Variants in FSCN3 observed in about 807,000 individuals in gnomAD.
FSCN3 encodes the protein fascin-3.
FSCN3 carries 43 observed loss-of-function variants against 53.5 expected under a neutral mutation model. The observed-to-expected ratio is 0.80, with a 90% CI of 0.63 to 1.04. The LOEUF is 1.04. Ranked by LOEUF, FSCN3 falls within the 50% of genes least tolerant of loss-of-function variation. The pLI is 0.00. For synonymous variants in FSCN3, 235 were observed against 246.6 expected (o/e 0.95, Z 0.44); for missense variants, 594 against 646.5 (o/e 0.92, Z 0.88).
chr7:127,600,405 G>A lies in FSCN3; in HGVS notation c.*6G>A. The A allele has an allele frequency of 6.4e-7, 1 of 1,553,858 alleles. No individual in the cohort carries two copies. Among genetic ancestry groups the A allele is most frequent in the African/African-American group, 1.4e-5 (1 of 73,850 alleles). ...AGTGTATCTGGGAATTTTAGGTAAG[G>A]GAGAGGAACAGGTAAGGGGCTAGGG... is the stretch of plus-strand genomic sequence containing the variant. On this transcript the variant is annotated splice_donor_region_variant and intron_variant, in intron 6 of 6. Transcript: ENST00000265825.
rs773941062 is a variant in FSCN3 at position 127,600,178 on chromosome 7, G to A, written c.1292-16G>A. 1.6e-5 allele frequency: 24 copies of A among 1,491,234 alleles called. 1 individual carries two copies. In the South Asian group the frequency reaches 2.6e-4, roughly 16 times the overall value. 92.4% of individuals were successfully genotyped at this position (1,491,234 alleles called of 1,614,324 possible). The stretch of plus-strand genomic sequence containing the variant: ...CCCTGTGAATGGCCCACCAACCTGA[G>A]CTCTTCCTTCTCCAGCACAGGGGGG... On this transcript the variant is annotated splice_polypyrimidine_tract_variant and intron_variant, in intron 5 of 6. Coordinates refer to ENST00000265825, the MANE Select transcript of FSCN3 (RefSeq NM_020369.3).
chr7:127,601,212 C>T (rs999055818), intron 6 of FSCN3, among the ~76,000 whole-genome samples: 2 of 152,224 alleles, frequency 1.3e-5, no homozygotes, highest in African/African-American at 2.4e-5. Context: ...TAGGGCTCCC[C>T]GAAAGCATTT....
In FSCN3 at chr7:127,598,680, T is replaced by C. The variant is rs529716245; in HGVS notation, c.1120+86T>C. 1.7e-4 allele frequency: 204 copies of C among 1,199,858 alleles called. 1 individual carries two copies. The highest frequency in any genetic ancestry group is 1.2e-3 in the Middle Eastern group (5 of 4,144). The allele number at this position is 1,199,858 out of a possible 1,614,324, so 74.3% of individuals were successfully genotyped here. A position where few individuals can be genotyped will look rare whatever the true frequency, so the allele number is the denominator to read the frequency against. The stretch of plus-strand genomic sequence containing the variant: ...GGAATATGATTGTTAAAAAGAGCAC[T>C]GAAGGCCGGGCGTGGTGGCTCATGC... On this transcript the variant is annotated intron_variant, in intron 4 of 6. Transcript: ENST00000265825.
Position 127,599,372 on chromosome 7 carries a change from T to A in FSCN3, c.1121-9T>A, listed in dbSNP as rs1794436619. ...GCCCATCCAGATAACTCCTTCCTAT[T>A]TCCTTCAGGCCCAAATGAGGAATTT... is the stretch of plus-strand genomic sequence containing the variant. On this transcript the variant is annotated splice_polypyrimidine_tract_variant and intron_variant, in intron 4 of 6. Transcript: ENST00000265825. 1 of 1,609,762 alleles carries A rather than the reference T, an allele frequency of 6.2e-7. No homozygotes were observed. Among genetic ancestry groups the A allele is most frequent in the African/African-American group, 1.3e-5 (1 of 74,844 alleles).
In FSCN3 at chr7:127,596,296, G is replaced by A. The variant is rs376828353; in HGVS notation, c.842-32G>A. 6 of 1,559,034 alleles carry A rather than the reference G, an allele frequency of 3.8e-6. No homozygotes were observed. The African/African-American group carries it at 6.8e-5, about 18-fold the overall frequency. The stretch of plus-strand genomic sequence containing the variant: ...ATGGAGGAGGGGCCGAGACTGAGGG[G>A]AGGCTTTTACTGACATGCGCTTCCT... On this transcript the variant is annotated intron_variant, in intron 2 of 6. Coordinates refer to ENST00000265825, the MANE Select transcript of FSCN3 (RefSeq NM_020369.3).
chr7:127,594,239 G>A (rs1794346221), intron 1 of FSCN3, among the ~76,000 whole-genome samples: 1 of 127,164 alleles, frequency 7.9e-6, no homozygotes. Flanking sequence ...AGTTTTCTGA[G>A]TGGCCAAGCT....
chr7:127,594,704 T>C, intron 1 of FSCN3: 1 of 471,172 alleles, frequency 2.1e-6, no homozygotes, highest in Non-Finnish European at 4.4e-6. Flanking sequence ...CGGTCTTCAT[T>C]CTAGAGAGGA....
At position 127,601,916 on chromosome 7, in the gene FSCN3, T is replaced by C. The variant is rs1419517367; in HGVS notation, c.*294T>C. The stretch of plus-strand genomic sequence containing the variant: ...ACCAAATGGCAAGCAGTTCTTCCAC[T>C]GATCTTCCCCGTCCCCATCCAGAAC... On this transcript the variant is annotated 3_prime_UTR_variant, in exon 7 of 7. Transcript: ENST00000265825. 1 of 152,258 alleles carries C rather than the reference T, an allele frequency of 6.6e-6. No homozygotes were observed. The highest frequency in any genetic ancestry group is 6.5e-5 in the Admixed American group (1 of 15,282). The allele number at this position is 152,258 out of a possible 1,614,324, so 9.4% of individuals were successfully genotyped here. A position where few individuals can be genotyped will look rare whatever the true frequency, so the allele number is the denominator to read the frequency against.
chr7:127,599,661 A>AT (rs1169514138), intron 5 of FSCN3, 110 bp downstream of exon 5: 20 of 1,047,280 alleles, frequency 1.9e-5, no homozygotes, highest in Middle Eastern at 3.1e-4. Context: ...AAAAGGAAAA[A>AT]CAGGCCAGGC....
chr7:127,593,759 A>ACTACAGGC lies in FSCN3; in HGVS notation c.-93_-86dup, dbSNP rs1404775885. The ACTACAGGC allele has an allele frequency of 1.5e-6, 2 of 1,360,364 alleles. No individual in the cohort carries two copies. Among genetic ancestry groups the ACTACAGGC allele is most frequent in the Middle Eastern group, 2.3e-4 (1 of 4,380 alleles). The allele number at this position is 1,360,364 out of a possible 1,614,324, so 84.3% of individuals were successfully genotyped here. ...TTCTCTCTGGGAACATCTGGTGGGT[A>ACTACAGGC]CTACAGGCCCTATTCCAGGCCCTAT... On this transcript the variant is annotated 5_prime_UTR_variant, in exon 1 of 7. Coordinates refer to ENST00000265825, the MANE Select transcript of FSCN3 (RefSeq NM_020369.3).
intron 1 of FSCN3, 64 bp from the exon 2 acceptor site, chr7:127,595,243 A>T (rs1392876062): frequency 4.9e-6 from 7 of 1,430,624 alleles, no homozygotes; most frequent in Non-Finnish European, 5.8e-6. Flanking sequence ...TGACAGTTGC[A>T]GGGCTCCTTG....
At position 127,595,920 on chromosome 7, in the gene FSCN3, G is replaced by T. The variant is rs750086007; in HGVS notation, c.758G>T (p.Gly253Val). ...LLGMGCNPMR[G>V]EEWFILQHCP... The stretch of plus-strand genomic sequence containing the variant: ...GGCATGGGCTGCAACCCCATGAGGG[G>T]TGAGGAGTGGTTCATCCTACAGCAC... The change falls in exon 2 of 7, where the codon GGT (glycine) becomes GTT (valine). Residue 253 changes from glycine (G) to valine (V), a missense_variant. Transcript: ENST00000265825. 8 of 1,610,114 alleles carry T rather than the reference G, an allele frequency of 5.0e-6. No individual in the cohort carries two copies. In the Admixed American group the frequency reaches 1.2e-4, roughly 24 times the overall value.
intron 3 of FSCN3, chr7:127,596,672 T>C (rs1794394818): frequency 3.2e-6 from 1 of 308,650 alleles, no homozygotes; most frequent in African/African-American, 2.2e-5. Flanking sequence ...ATAATACACA[T>C]ATGTATAAAT....
Position 127,595,598 on chromosome 7 carries a change from G to A in FSCN3, c.436G>A (p.Val146Met), listed in dbSNP as rs776617691. The change falls in exon 2 of 7, where the codon GTG becomes ATG. Residue 146 changes from valine to methionine, a missense_variant. Val to Met is a conservative substitution (Grantham distance 21, BLOSUM62 1). Transcript: ENST00000265825. ...CCCCCGACCAGCCCTCCATGTCCAC[G>A]TGATCCTCTACAGCCCCATCCACCG... ...WTPRPALHVH[V>M]ILYSPIHRCY... 15 of 1,613,932 alleles carry A rather than the reference G, an allele frequency of 9.3e-6. No homozygotes were observed. Among genetic ancestry groups the A allele is most frequent in the Admixed American group, 1.7e-5 (1 of 59,992 alleles).
At chr7:127,595,117 A>C (rs1245028178) in intron 1 of FSCN3, among the ~76,000 whole-genome samples, 190 bp from the exon 2 acceptor site, 1 of 152,100 alleles carries the variant, frequency 6.6e-6, no homozygotes, top group Non-Finnish European at 1.5e-5. Flanking sequence ...GGGCCCAGAG[A>C]TCTCTTGATG....
In FSCN3 at chr7:127,594,106, A is replaced by G. The variant is rs531103449; in HGVS notation, c.144+109A>G. 7.2e-4 allele frequency: 842 copies of G among 1,172,212 alleles called. 4 individuals are homozygous for G. In the South Asian group the frequency reaches 9.8e-3, roughly 14 times the overall value. 72.6% of individuals were successfully genotyped at this position (1,172,212 alleles called of 1,614,324 possible). ...TGAGTGTATGTGTGTGTGTGTGTGT[A>G]TGTACTTGCCTGTATATGAAAGTAT... On this transcript the variant is annotated intron_variant, in intron 1 of 6. Transcript: ENST00000265825.
chr7:127,599,568 C>T lies in FSCN3; in HGVS notation c.1291+17C>T. On this transcript the variant is annotated intron_variant, in intron 5 of 6. Coordinates refer to ENST00000265825, the MANE Select transcript of FSCN3 (RefSeq NM_020369.3). ...ACTTCCAGGGTGAGTGGCTCCTCTT[C>T]CCTGCCCAAGGGTTCACAGTCTAGT... 5 of 1,612,512 alleles carry T rather than the reference C, an allele frequency of 3.1e-6. No homozygotes were observed. Among genetic ancestry groups the T allele is most frequent in the Non-Finnish European group, 2.5e-6 (3 of 1,178,824 alleles).
rs1587539071 is a variant in FSCN3, at chr7:127,594,102, G to GTA, written c.144+106_144+107insAT. On this transcript the variant is annotated intron_variant, in intron 1 of 6. Coordinates refer to ENST00000265825, the MANE Select transcript of FSCN3 (RefSeq NM_020369.3). ...TGCGTGAGTGTATGTGTGTGTGTGT[G>GTA]TGTATGTACTTGCCTGTATATGAAA... The GTA allele has an allele frequency of 6.6e-6, 9 of 1,363,226 alleles. No individual in the cohort carries two copies. The East Asian group carries it at 2.3e-4, about 34-fold the overall frequency. The allele number at this position is 1,363,226 out of a possible 1,614,324, so 84.4% of individuals were successfully genotyped here.
Position 127,600,238 on chromosome 7 carries a change from CG to C in FSCN3, c.1337del (p.Arg446ProfsTer96), listed in dbSNP as rs1562957014. On this transcript the variant is annotated frameshift_variant, in exon 6 of 7. Transcript: ENST00000265825. LOFTEE classifies it high-confidence loss of function. ...FWSITSFGTF[R>X]PWGKFALNFC... ...GTCAATAACATCCTTTGGCACCTTT[CG>C]CCCTTGGGGCAAGTTTGCCCTCAAC... The C allele has an allele frequency of 3.1e-6, 5 of 1,610,706 alleles. No homozygotes were observed. Among genetic ancestry groups the C allele is most frequent in the South Asian group, 1.1e-5 (1 of 91,024 alleles).
Sources: gnomAD v4.1 joint callset for allele counts (sites outside exome capture counted in the v4.1 genomes callset) on GRCh38, gnomAD v4.1.1 for gene constraint, MANE v1.5 for transcripts, NCBI Gene and HGNC (gene_info 2026-07-23, HGNC 2026-07-21) for gene names.